TMEM132D: variants seen among roughly 807,000 people sequenced by gnomAD.
TMEM132D encodes the protein mature OL transmembrane protein.
In TMEM132D, 21 loss-of-function variants were observed where a neutral mutation model predicts 62.3. The ratio of observed to expected loss-of-function variants is 0.34; its 90% CI spans 0.24 to 0.49. TMEM132D has a LOEUF of 0.49. Ranked by LOEUF, TMEM132D falls within the 20% of genes least tolerant of loss-of-function variation. TMEM132D has a pLI of 0.99. For synonymous variants in TMEM132D, 621 were observed against 575.6 expected (o/e 1.08, Z -1.13); for missense variants, 1,346 against 1,402.8 (o/e 0.96, Z 0.65).
rs751532034 is a variant in TMEM132D at position 129,265,285 on chromosome 12, C to T, written c.1300-55622G>A. Among the ~76,000 whole-genome samples, 9 of 152,162 alleles carry T rather than the reference C, an allele frequency of 5.9e-5. 1 individual carries two copies. The highest frequency in any genetic ancestry group is 1.0e-4 in the Non-Finnish European group (7 of 68,002). On this transcript the variant is annotated intron_variant, in intron 4 of 8. Transcript: ENST00000422113. Reference sequence around the variant, plus strand: ...CCATGTAGACTGAGGGTGGGAGTAGCCTGAGTCAATAAAGAAAAAGTGGTT... The same window carrying T: ...CCATGTAGACTGAGGGTGGGAGTAGTCTGAGTCAATAAAGAAAAAGTGGTT...
intron 5 of TMEM132D, among the ~76,000 whole-genome samples, chr12:129,161,312 A>C (rs1225215916): frequency 6.6e-6 from 1 of 152,214 alleles, no homozygotes; most frequent in Non-Finnish European, 1.5e-5. Flanking sequence ...CTGAAAACAA[A>C]ATACCTGAGC....
chr12:129,689,286 A>G (rs1881005163), intron 2 of TMEM132D, among the ~76,000 whole-genome samples: 1 of 152,214 alleles, frequency 6.6e-6, no homozygotes, highest in African/African-American at 2.4e-5. Context: ...CTGCTTCTGA[A>G]TTGCACCTTG....
At chr12:129,711,289 T>A (rs915675894) in intron 1 of TMEM132D, among the ~76,000 whole-genome samples, 2 of 152,230 alleles carry the variant, frequency 1.3e-5, no homozygotes, top group Admixed American at 1.3e-4. Context: ...GTTTCACATC[T>A]GTGTACAATC....
At chr12:129,753,304 T>C (rs1870060260) in intron 1 of TMEM132D, among the ~76,000 whole-genome samples, 1 of 152,198 alleles carries the variant, frequency 6.6e-6, no homozygotes, top group African/African-American at 2.4e-5. Flanking sequence ...AGGGTTGCAA[T>C]ATTGAAAAAT....
At position 129,298,711 on chromosome 12, in the gene TMEM132D, A is replaced by G. The variant is rs78313286; in HGVS notation, c.1299+38923T>C. ...TTTTTATCTTAATTTTAGATTTCACATATGAGTGAAATCCTGCGGTATTTG... is the reference window on the plus strand; with the variant it reads ...TTTTTATCTTAATTTTAGATTTCACGTATGAGTGAAATCCTGCGGTATTTG... On this transcript the variant is annotated intron_variant, in intron 4 of 8. Transcript: ENST00000422113. 1.3e-3 allele frequency among the ~76,000 whole-genome samples: 195 copies of G among 152,270 alleles called. 3 individuals carry two copies. The East Asian group carries it at 0.033, about 26-fold the overall frequency.
intron 1 of TMEM132D, among the ~76,000 whole-genome samples, chr12:129,799,676 G>A (rs1030966748): frequency 1.1e-4 from 17 of 152,174 alleles, no homozygotes; most frequent in African/African-American, 3.6e-4. Flanking sequence ...GATCTGCCTG[G>A]TCCTCGTTAG....
chr12:129,480,393 T>C (rs1265291083), intron 3 of TMEM132D, among the ~76,000 whole-genome samples: 1 of 152,206 alleles, frequency 6.6e-6, no homozygotes, highest in Non-Finnish European at 1.5e-5. Context: ...GATGGGAGTT[T>C]AAAAGCATCC....
intron 2 of TMEM132D, among the ~76,000 whole-genome samples, chr12:129,578,408 A>ATGTGTGTGTGTGTG (rs143488724): frequency 0.34 from 49,667 of 144,070 alleles, 8,656 homozygotes; most frequent in East Asian, 0.36. Flanking sequence ...TAATACAATT[A>ATGTGTGTGTGTGTG]TGTGTGTGTG....
chr12:129,451,865 G>A (rs1022973922), intron 3 of TMEM132D, among the ~76,000 whole-genome samples: 6 of 152,244 alleles, frequency 3.9e-5, no homozygotes, highest in South Asian at 2.1e-4. Context: ...TGGGTCACAC[G>A]GCTATACTAG....
chr12:129,337,584 T>C (rs2135657709), intron 4 of TMEM132D, 50 bp downstream of exon 4: 1 of 1,597,890 alleles, frequency 6.3e-7, no homozygotes, highest in Non-Finnish European at 8.5e-7. Flanking sequence ...CGCCGGCGCC[T>C]TCCCCTCCCC....
intron 3 of TMEM132D, among the ~76,000 whole-genome samples, chr12:129,415,953 A>T (rs777520624): frequency 2.6e-5 from 4 of 152,186 alleles, no homozygotes; most frequent in African/African-American, 4.8e-5. Flanking sequence ...GCTCGGCTTA[A>T]CACTGCTATT....
chr12:129,532,148 C>T lies in TMEM132D; in HGVS notation c.969-943G>A, dbSNP rs1025234172. On this transcript the variant is annotated intron_variant, in intron 2 of 8. Transcript: ENST00000422113. The stretch of plus-strand genomic sequence containing the variant: ...AAGCTGGCCTAGAAGTTTGAAAAAG[C>T]TAATGTTTCCTGCTGTGTTTTCTCT... Among the ~76,000 whole-genome samples the T allele has an allele frequency of 3.9e-5, 6 of 152,258 alleles. No individual in the cohort carries two copies. In the East Asian group the frequency reaches 1.2e-3, roughly 29 times the overall value.
At chr12:129,765,868 C>T (rs529247355) in intron 1 of TMEM132D, among the ~76,000 whole-genome samples, 1 of 152,224 alleles carries the variant, frequency 6.6e-6, no homozygotes, top group East Asian at 1.9e-4. Context: ...TTTAACATGG[C>T]CGATGAGCTG....
intron 5 of TMEM132D, among the ~76,000 whole-genome samples, chr12:129,186,590 G>A (rs1323151365): frequency 6.6e-6 from 1 of 152,128 alleles, no homozygotes; most frequent in South Asian, 2.1e-4. Context: ...GTGAATCCTG[G>A]AGCCAGACTG....
chr12:129,535,125 C>T (rs950541658), intron 2 of TMEM132D, among the ~76,000 whole-genome samples: 6 of 152,180 alleles, frequency 3.9e-5, no homozygotes, highest in Admixed American at 3.3e-4. Flanking sequence ...AGGCTGAAGG[C>T]ATCTCTACTG....
intron 2 of TMEM132D, among the ~76,000 whole-genome samples, chr12:129,583,370 C>T (rs1877933223): frequency 6.6e-6 from 1 of 152,120 alleles, no homozygotes; most frequent in Non-Finnish European, 1.5e-5. Flanking sequence ...GGAATGACAA[C>T]ATGAAGGAAG....
chr12:129,411,316 T>C (rs949367386), intron 3 of TMEM132D, among the ~76,000 whole-genome samples: 1 of 152,202 alleles, frequency 6.6e-6, no homozygotes, highest in African/African-American at 2.4e-5. Flanking sequence ...TTCCTGACTT[T>C]AGTAAACTAC....
intron 3 of TMEM132D, among the ~76,000 whole-genome samples, chr12:129,451,615 T>A (rs992872773): frequency 2.0e-5 from 3 of 152,124 alleles, no homozygotes; most frequent in Non-Finnish European, 2.9e-5. Flanking sequence ...AGAGGTAAAG[T>A]GGATTTATTA....
At chr12:129,706,793 CTA>C (rs1881517046) in intron 1 of TMEM132D, among the ~76,000 whole-genome samples, 1 of 151,760 alleles carries the variant, frequency 6.6e-6, no homozygotes, top group Non-Finnish European at 1.5e-5. Flanking sequence ...TTCATAAAAA[CTA>C]TGAATTTATA....
Sources: allele counts gnomAD v4.1 joint callset (sites outside exome capture counted in the v4.1 genomes callset), GRCh38; gene constraint gnomAD v4.1.1; transcripts MANE v1.5; gene names NCBI Gene and HGNC (gene_info 2026-07-23, HGNC 2026-07-21).